BMPR1A: variants seen among roughly 807,000 people sequenced by gnomAD.
The protein encoded by BMPR1A is bone morphogenetic protein receptor type 1A, also known as bone morphogenetic protein receptor type-1A.
BMPR1A carries 7 observed loss-of-function variants against 66.0 expected under a neutral mutation model. The ratio of observed to expected loss-of-function variants is 0.11; its 90% CI spans 0.06 to 0.20. The LOEUF is 0.20. Among genes scored for constraint, BMPR1A ranks in the 10% least tolerant of loss-of-function variants. The pLI is 1.00. For synonymous variants in BMPR1A, 200 were observed against 229.7 expected, an observed-to-expected ratio of 0.87 and a Z score of 1.17; for missense variants, 408 against 669.1, an observed-to-expected ratio of 0.61 and a Z score of 4.31.
At chr10:86,911,036 T>TC (rs1354816296) in intron 7 of BMPR1A, among the ~76,000 whole-genome samples, 1 of 151,364 alleles carries the variant, frequency 6.6e-6, no homozygotes, top group African/African-American at 2.4e-5. Flanking sequence ...ATACCAGTAG[T>TC]CCCAGCCACT....
At chr10:86,784,568 G>A (rs897182543) in intron 1 of BMPR1A, among the ~76,000 whole-genome samples, 4 of 152,166 alleles carry the variant, frequency 2.6e-5, no homozygotes, top group African/African-American at 9.7e-5. Context: ...GAGACTTTGA[G>A]GAGGTTTGGT....
intron 1 of BMPR1A, among the ~76,000 whole-genome samples, chr10:86,807,271 C>G (rs531964645): frequency 6.6e-6 from 1 of 152,060 alleles, no homozygotes; most frequent in African/African-American, 2.4e-5. Context: ...TTTTTTTGGC[C>G]TTTCCCCAGT....
intron 2 of BMPR1A, 103 bp from the exon 3 acceptor site, chr10:86,875,764 C>T (rs1589756897): frequency 4.0e-6 from 2 of 500,236 alleles, no homozygotes; most frequent in Non-Finnish European, 3.5e-6. Flanking sequence ...AAATGTATTT[C>T]ATTGTTTAAA....
intron 1 of BMPR1A, among the ~76,000 whole-genome samples, chr10:86,775,487 C>T (rs1403629226): frequency 6.6e-6 from 1 of 152,120 alleles, no homozygotes; most frequent in African/African-American, 2.4e-5. Context: ...GAGCAAAATT[C>T]ATTCCCCCTG....
chr10:86,828,577 A>G (rs1842227788), intron 1 of BMPR1A, among the ~76,000 whole-genome samples: 1 of 152,158 alleles, frequency 6.6e-6, no homozygotes, highest in Non-Finnish European at 1.5e-5. Flanking sequence ...GAATTTCTTT[A>G]TGTGTTGAGA....
Position 86,878,437 on chromosome 10 carries a change from T to C in BMPR1A, c.67+2352T>C, listed in dbSNP as rs184136869. Among the ~76,000 whole-genome samples, 15 of 152,366 alleles carry C rather than the reference T, an allele frequency of 9.8e-5. No homozygotes were observed. In the East Asian group the frequency reaches 2.7e-3, roughly 27 times the overall value. On this transcript the variant is annotated intron_variant, in intron 3 of 12. Transcript: ENST00000372037. ...ATTTTACAACAGGATATATTAATGT[T>C]GGATAGATATGTAGTCCCTTTTTTG...
At chr10:86,777,326 C>G (rs539609369) in intron 1 of BMPR1A, among the ~76,000 whole-genome samples, 132 of 152,156 alleles carry the variant, frequency 8.7e-4, no homozygotes, top group Non-Finnish European at 1.6e-3. Flanking sequence ...TGCCTGTAAT[C>G]CCAGCACTTT....
At chr10:86,775,565 T>G (rs1207702365) in intron 1 of BMPR1A, among the ~76,000 whole-genome samples, 12 of 152,178 alleles carry the variant, frequency 7.9e-5, no homozygotes, top group Non-Finnish European at 1.5e-5. Flanking sequence ...AATGTATCAC[T>G]GAGTTTTCTG....
At chr10:86,920,761 G>A (rs1169193476) in intron 10 of BMPR1A, among the ~76,000 whole-genome samples, 1 of 151,682 alleles carries the variant, frequency 6.6e-6, no homozygotes, top group Non-Finnish European at 1.5e-5. Context: ...TCATATGAGA[G>A]TGGTAAAAGC....
chr10:86,906,321 C>T (rs987151662), intron 7 of BMPR1A, among the ~76,000 whole-genome samples: 1 of 151,624 alleles, frequency 6.6e-6, no homozygotes, highest in Non-Finnish European at 1.5e-5. Context: ...GTGTGTGTTT[C>T]TTTTTTGGTA....
At chr10:86,797,346 T>C (rs1432956020) in intron 1 of BMPR1A, among the ~76,000 whole-genome samples, 1 of 151,710 alleles carries the variant, frequency 6.6e-6, no homozygotes, top group East Asian at 2.0e-4. Flanking sequence ...TTCTCCTGCC[T>C]CAGCCTCCTG....
Position 86,925,616 on chromosome 10 carries a change from T to C in BMPR1A, c.*1897T>C, listed in dbSNP as rs1006387384. ...ATGTATACTGAGAAATACAAATATT[T>C]TAATCTGCGTTGCCGTATGATATGA... On this transcript the variant is annotated 3_prime_UTR_variant, in exon 13 of 13. Coordinates refer to ENST00000372037, the MANE Select transcript of BMPR1A (RefSeq NM_004329.3). The C allele has an allele frequency of 5.0e-6, 1 of 200,652 alleles. No homozygotes were observed. Among genetic ancestry groups the C allele is most frequent in the Admixed American group, 6.0e-5 (1 of 16,678 alleles). The allele number at this position is 200,652 out of a possible 1,614,324, so 12.4% of individuals were successfully genotyped here.
intron 1 of BMPR1A, among the ~76,000 whole-genome samples, chr10:86,789,538 C>T (rs534480351): frequency 3.5e-4 from 53 of 151,898 alleles, no homozygotes; most frequent in Non-Finnish European, 5.9e-4. Context: ...CATGGTGAAA[C>T]GCCATCTCTG....
Position 86,831,733 on chromosome 10 carries a change from C to T in BMPR1A, c.-267-7132C>T, listed in dbSNP as rs372461739. Among the ~76,000 whole-genome samples, 5 of 152,306 alleles carry T rather than the reference C, an allele frequency of 3.3e-5. No individual in the cohort carries two copies. In the East Asian group the frequency reaches 7.7e-4, roughly 23 times the overall value. On this transcript the variant is annotated intron_variant, in intron 1 of 12. Transcript: ENST00000372037. ...GAATTAGGATTACACCACTGCACTC[C>T]AGCTTGGGTGACAGAGCAAGACCCT... is the stretch of plus-strand genomic sequence containing the variant.
At chr10:86,910,765 A>G (rs941925118) in intron 7 of BMPR1A, among the ~76,000 whole-genome samples, 2 of 152,318 alleles carry the variant, frequency 1.3e-5, no homozygotes, top group African/African-American at 2.4e-5. Flanking sequence ...TTTCCATTAT[A>G]TATTATACAT....
intron 5 of BMPR1A, among the ~76,000 whole-genome samples, chr10:86,896,341 A>G (rs773412633): frequency 1.2e-4 from 18 of 152,144 alleles, no homozygotes; most frequent in African/African-American, 2.2e-4. Flanking sequence ...TTAAGTTTGT[A>G]TTTAATGAAG....
intron 2 of BMPR1A, among the ~76,000 whole-genome samples, chr10:86,863,984 A>G (rs1259939088): frequency 6.6e-6 from 1 of 152,240 alleles, no homozygotes; most frequent in African/African-American, 2.4e-5. Context: ...AATTGTATTC[A>G]TACATTAGTT....
chr10:86,792,063 CTTT>C (rs35251758), intron 1 of BMPR1A, among the ~76,000 whole-genome samples: 7 of 83,628 alleles, frequency 8.4e-5, no homozygotes, highest in Admixed American at 1.5e-4. Context: ...ACTGTCAGAT[CTTT>C]TTTTTTTTTT....
chr10:86,777,511 G>C (rs1841370163), intron 1 of BMPR1A, among the ~76,000 whole-genome samples: 2 of 152,062 alleles, frequency 1.3e-5, no homozygotes, highest in African/African-American at 4.8e-5. Flanking sequence ...AGCCTGATGA[G>C]GTTTAGGTTG....
Sources: gnomAD v4.1 joint callset for allele counts (sites outside exome capture counted in the v4.1 genomes callset) on GRCh38, gnomAD v4.1.1 for gene constraint, MANE v1.5 for transcripts, NCBI Gene and HGNC (gene_info 2026-07-23, HGNC 2026-07-21) for gene names.